The following TMEM132C variants were observed in gnomAD, a reference collection of about 807,000 sequenced individuals.
TMEM132C encodes transmembrane protein 132C.
In TMEM132C, 29 loss-of-function variants were observed where a neutral mutation model predicts 61.4. That is an observed-to-expected ratio of 0.47 (90% CI 0.35 to 0.64). TMEM132C has a LOEUF of 0.64. Ranked by LOEUF, TMEM132C falls within the 30% of genes least tolerant of loss-of-function variation. The pLI is 0.00. For synonymous variants in TMEM132C, 656 were observed against 633.1 expected, an observed-to-expected ratio of 1.04 and a Z score of -0.54; for missense variants, 1,408 against 1,476.9, an observed-to-expected ratio of 0.95 and a Z score of 0.76.
chr12:128,274,201 T>G (rs1282691751), intron 1 of TMEM132C, among the ~76,000 whole-genome samples: 1 of 152,166 alleles, frequency 6.6e-6, no homozygotes, highest in African/African-American at 2.4e-5. Context: ...TGTACGCATT[T>G]TTTCTTCCTG....
At chr12:128,403,534 C>T (rs1875240295) in intron 1 of TMEM132C, among the ~76,000 whole-genome samples, 1 of 152,082 alleles carries the variant, frequency 6.6e-6, no homozygotes, top group Admixed American at 6.5e-5. Flanking sequence ...GTTACTATAA[C>T]TGATGAACAC....
chr12:128,525,360 C>G (rs530223996), intron 2 of TMEM132C, among the ~76,000 whole-genome samples: 1 of 152,000 alleles, frequency 6.6e-6, no homozygotes, highest in Non-Finnish European at 1.5e-5. Context: ...CTCTCTCTCT[C>G]TCCCTCCTTT....
intron 2 of TMEM132C, among the ~76,000 whole-genome samples, chr12:128,496,644 A>G (rs969412801): frequency 5.3e-5 from 8 of 152,166 alleles, no homozygotes; most frequent in Non-Finnish European, 1.2e-4. Flanking sequence ...AAGCTTGTGC[A>G]TTCGTCACAT....
At chr12:128,497,881 A>G (rs1872024485) in intron 2 of TMEM132C, among the ~76,000 whole-genome samples, 1 of 152,102 alleles carries the variant, frequency 6.6e-6, no homozygotes, top group African/African-American at 2.4e-5. Flanking sequence ...CCGGTACCTC[A>G]GTTGGAAATG....
chr12:128,320,759 G>A (rs572142622), intron 1 of TMEM132C, among the ~76,000 whole-genome samples: 1 of 148,640 alleles, frequency 6.7e-6, no homozygotes, highest in Non-Finnish European at 1.5e-5. Flanking sequence ...CAGCCTGGGC[G>A]ACACAGCAAG....
At chr12:128,564,880 C>T (rs1405364660) in intron 3 of TMEM132C, among the ~76,000 whole-genome samples, 1 of 152,162 alleles carries the variant, frequency 6.6e-6, no homozygotes, top group Non-Finnish European at 1.5e-5. Context: ...ATCCCCCCTT[C>T]CTGGTAGTCA....
At chr12:128,507,923 T>C (rs901165367) in intron 2 of TMEM132C, among the ~76,000 whole-genome samples, 4 of 152,282 alleles carry the variant, frequency 2.6e-5, no homozygotes, top group African/African-American at 9.6e-5. Context: ...TCCACTCAGA[T>C]GGAGCTCTAA....
intron 4 of TMEM132C, among the ~76,000 whole-genome samples, chr12:128,657,451 GA>G (rs1387650767): frequency 6.6e-6 from 1 of 152,170 alleles, no homozygotes; most frequent in East Asian, 1.9e-4. Context: ...GATGAGATTG[GA>G]TGTTGCAATG....
chr12:128,351,046 G>A (rs909484796), intron 1 of TMEM132C, among the ~76,000 whole-genome samples: 3 of 152,116 alleles, frequency 2.0e-5, no homozygotes, highest in Admixed American at 1.3e-4. Flanking sequence ...TGCCCCAACT[G>A]TCCAAGAACC....
At chr12:128,652,910 A>T (rs1323703375) in intron 4 of TMEM132C, among the ~76,000 whole-genome samples, 1 of 152,240 alleles carries the variant, frequency 6.6e-6, no homozygotes. Flanking sequence ...AGGACCTGTC[A>T]TAATGCACTC....
intron 2 of TMEM132C, among the ~76,000 whole-genome samples, chr12:128,497,340 C>T (rs1014410348): frequency 2.6e-5 from 4 of 152,160 alleles, no homozygotes; most frequent in African/African-American, 9.7e-5. Context: ...TTGGGAGAAC[C>T]ACTACTCTCT....
At chr12:128,337,526 A>G (rs552515432) in intron 1 of TMEM132C, among the ~76,000 whole-genome samples, 1 of 152,300 alleles carries the variant, frequency 6.6e-6, no homozygotes, top group Middle Eastern at 3.4e-3. Context: ...TTTTGAAGTC[A>G]CTTTCTGACT....
chr12:128,592,386 A>G (rs970530614), intron 3 of TMEM132C, among the ~76,000 whole-genome samples: 6 of 152,186 alleles, frequency 3.9e-5, no homozygotes, highest in African/African-American at 1.4e-4. Context: ...CAATGACCAC[A>G]CACTCCTCCC....
chr12:128,535,742 C>T (rs1213217852), intron 2 of TMEM132C, among the ~76,000 whole-genome samples: 1 of 152,118 alleles, frequency 6.6e-6, no homozygotes, highest in Non-Finnish European at 1.5e-5. Flanking sequence ...GTGGCAGGCA[C>T]CTGTAGTCCC....
intron 3 of TMEM132C, among the ~76,000 whole-genome samples, chr12:128,595,922 G>T (rs913458447): frequency 6.6e-6 from 1 of 152,188 alleles, no homozygotes; most frequent in African/African-American, 2.4e-5. Flanking sequence ...CAATTTCCCA[G>T]GAAAAAACTG....
Position 128,666,986 on chromosome 12 carries a change from C to T in TMEM132C, c.1306-2431C>T, listed in dbSNP as rs948259764. ...TCGGGAGGCTGAGGCAGGAGAATGG[C>T]GTGAACCCGGGAGGCGGAGCTTGCA... is the stretch of plus-strand genomic sequence containing the variant. On this transcript the variant is annotated intron_variant, in intron 4 of 8. Coordinates refer to ENST00000435159, the MANE Select transcript of TMEM132C (RefSeq NM_001136103.3). 2.6e-5 allele frequency among the ~76,000 whole-genome samples: 4 copies of T among 152,316 alleles called. No individual in the cohort carries two copies. In the East Asian group the frequency reaches 5.8e-4, roughly 22 times the overall value.
At chr12:128,510,912 G>C (rs1452393784) in intron 2 of TMEM132C, among the ~76,000 whole-genome samples, 2 of 152,350 alleles carry the variant, frequency 1.3e-5, no homozygotes, top group Non-Finnish European at 2.9e-5. Context: ...GCAATGCGAT[G>C]CTGTGTGCCG....
intron 3 of TMEM132C, among the ~76,000 whole-genome samples, chr12:128,608,329 A>G (rs1024366606): frequency 6.6e-6 from 1 of 152,226 alleles, no homozygotes; most frequent in South Asian, 2.1e-4. Flanking sequence ...CCTGCATATT[A>G]GAATCACCTG....
chr12:128,303,548 G>C (rs549310676), intron 1 of TMEM132C, among the ~76,000 whole-genome samples: 1 of 152,310 alleles, frequency 6.6e-6, no homozygotes, highest in South Asian at 2.1e-4. Flanking sequence ...AATAATATTT[G>C]TGTTTGTCCA....
Sources: gnomAD v4.1 joint callset for allele counts (sites outside exome capture counted in the v4.1 genomes callset) on GRCh38, gnomAD v4.1.1 for gene constraint, MANE v1.5 for transcripts, NCBI Gene and HGNC (gene_info 2026-07-23, HGNC 2026-07-21) for gene names.